The following SPTLC3 variants were observed in gnomAD, a reference collection of about 807,000 sequenced individuals.
SPTLC3 encodes serine palmitoyltransferase 3.
In SPTLC3, 36 loss-of-function variants were observed where a neutral mutation model predicts 59.3. The observed-to-expected ratio is 0.61, with a 90% CI of 0.47 to 0.80. The LOEUF (loss-of-function observed/expected upper bound fraction) is 0.80. Among genes scored for constraint, SPTLC3 ranks in the 30% least tolerant of loss-of-function variants. The pLI is 0.00. For synonymous variants in SPTLC3, 257 were observed against 240.8 expected (o/e 1.07, Z -0.62); for missense variants, 625 against 685.1 (o/e 0.91, Z 0.98).
chr20:13,106,097 A>G (rs1298383995), intron 6 of SPTLC3, among the ~76,000 whole-genome samples: 7 of 152,206 alleles, frequency 4.6e-5, no homozygotes, highest in African/African-American at 1.7e-4. Context: ...AAAAATATCT[A>G]TCTGCTCGTT....
intron 1 of SPTLC3, among the ~76,000 whole-genome samples, chr20:13,044,500 G>C (rs1242457422): frequency 6.6e-6 from 1 of 152,050 alleles, no homozygotes; most frequent in East Asian, 1.9e-4. Flanking sequence ...CTAGAGTCTG[G>C]ACAAATCCAG....
At chr20:13,088,481 C>T (rs1483872231) in intron 4 of SPTLC3, among the ~76,000 whole-genome samples, 2 of 151,954 alleles carry the variant, frequency 1.3e-5, no homozygotes, top group African/African-American at 4.8e-5. Flanking sequence ...ACTACAGGCG[C>T]CCGCCACCAC....
chr20:13,162,253 C>T (rs6041928), intron 11 of SPTLC3, among the ~76,000 whole-genome samples: 8,039 of 152,122 alleles, frequency 0.053, 243 homozygotes, highest in African/African-American at 0.079. Context: ...AGAGCATGGC[C>T]GGGAAGCAAG....
intron 2 of SPTLC3, among the ~76,000 whole-genome samples, chr20:13,057,140 A>G (rs529855500): frequency 6.6e-6 from 1 of 152,298 alleles, no homozygotes; most frequent in Non-Finnish European, 1.5e-5. Flanking sequence ...TCTCTTGCTC[A>G]AAACATGAAA....
intron 7 of SPTLC3, among the ~76,000 whole-genome samples, chr20:13,110,964 G>C (rs1990199460): frequency 1.3e-5 from 2 of 152,042 alleles, no homozygotes; most frequent in Non-Finnish European, 2.9e-5. Flanking sequence ...GATAGACATA[G>C]GATTTCTTTC....
chr20:13,153,535 C>G (rs1009257029), intron 9 of SPTLC3, among the ~76,000 whole-genome samples: 4 of 151,914 alleles, frequency 2.6e-5, no homozygotes, highest in Admixed American at 6.6e-5. Flanking sequence ...GATGAAGGAT[C>G]CTTTGATTAG....
chr20:13,093,698 G>T (rs1332373811), intron 6 of SPTLC3, 121 bp downstream of exon 6: 1 of 815,624 alleles, frequency 1.2e-6, no homozygotes, highest in Non-Finnish European at 1.9e-6. Context: ...ACACAATTAT[G>T]TTTATATTCA....
chr20:13,046,726 A>G (rs1196370347), intron 1 of SPTLC3, among the ~76,000 whole-genome samples: 1 of 152,190 alleles, frequency 6.6e-6, no homozygotes, highest in Non-Finnish European at 1.5e-5. Context: ...TCAGCCATCC[A>G]TCAGACCTAC....
chr20:13,087,947 T>C lies in SPTLC3; in HGVS notation c.608-3136T>C, dbSNP rs535348913. On this transcript the variant is annotated intron_variant, in intron 4 of 11. Coordinates refer to ENST00000399002, the MANE Select transcript of SPTLC3 (RefSeq NM_018327.4). The stretch of plus-strand genomic sequence containing the variant: ...AAATGGTTTTATGTGGAGGAAATAG[T>C]ACGTGCAACATCGGGAAAGCCTAAA... Among the ~76,000 whole-genome samples the C allele has an allele frequency of 1.3e-4, 20 of 152,356 alleles. 1 individual carries two copies. In the South Asian group the frequency reaches 3.3e-3, roughly 25 times the overall value.
chr20:13,095,420 A>G (rs1989376470), intron 6 of SPTLC3, among the ~76,000 whole-genome samples: 1 of 152,180 alleles, frequency 6.6e-6, no homozygotes, highest in African/African-American at 2.4e-5. Context: ...CATCTAGGGA[A>G]CATCCATAAA....
intron 9 of SPTLC3, among the ~76,000 whole-genome samples, chr20:13,135,640 C>T (rs113325795): frequency 2.0e-5 from 3 of 152,128 alleles, no homozygotes; most frequent in Non-Finnish European, 2.9e-5. Flanking sequence ...AAGATCTAAA[C>T]GTTTAAATAT....
chr20:13,015,983 C>T (rs1171397205), intron 1 of SPTLC3, among the ~76,000 whole-genome samples: 1 of 151,442 alleles, frequency 6.6e-6, no homozygotes. Context: ...AGAATAACAC[C>T]GTGAAATAAC....
chr20:13,162,666 G>T (rs561914537), intron 11 of SPTLC3, among the ~76,000 whole-genome samples: 3 of 152,292 alleles, frequency 2.0e-5, no homozygotes, highest in African/African-American at 7.2e-5. Flanking sequence ...ACTGACATGT[G>T]TGACAGTTGC....
At chr20:13,063,902 C>T (rs551793394) in intron 2 of SPTLC3, among the ~76,000 whole-genome samples, 2 of 152,136 alleles carry the variant, frequency 1.3e-5, no homozygotes, top group South Asian at 2.1e-4. Context: ...GTGATACGCC[C>T]GCCTCGGCCT....
At chr20:13,117,193 C>T (rs1990609194) in intron 7 of SPTLC3, among the ~76,000 whole-genome samples, 1 of 152,210 alleles carries the variant, frequency 6.6e-6, no homozygotes, top group African/African-American at 2.4e-5. Context: ...CCAGAATGGT[C>T]AGTCTAGTTA....
At chr20:13,145,038 G>A (rs888221478) in intron 9 of SPTLC3, among the ~76,000 whole-genome samples, 3 of 152,046 alleles carry the variant, frequency 2.0e-5, no homozygotes, top group African/African-American at 7.3e-5. Context: ...GCCTCCCAAA[G>A]TGCTGGGATT....
At chr20:13,102,607 C>G (rs915726647) in intron 6 of SPTLC3, among the ~76,000 whole-genome samples, 3 of 152,158 alleles carry the variant, frequency 2.0e-5, no homozygotes, top group Non-Finnish European at 4.4e-5. Context: ...TCCCGTACAC[C>G]TCTCCCAGGG....
chr20:13,101,588 C>A (rs557889134), intron 6 of SPTLC3, among the ~76,000 whole-genome samples: 6 of 152,330 alleles, frequency 3.9e-5, no homozygotes, highest in African/African-American at 1.2e-4. Flanking sequence ...CATTCTCCAG[C>A]CATTTCACGG....
chr20:13,042,782 A>C (rs557836772), intron 1 of SPTLC3, among the ~76,000 whole-genome samples: 1 of 152,206 alleles, frequency 6.6e-6, no homozygotes, highest in Admixed American at 6.5e-5. Flanking sequence ...ACAGACTCTC[A>C]GTGTTCTTTT....
Sources: gnomAD v4.1 joint callset for allele counts (sites outside exome capture counted in the v4.1 genomes callset) on GRCh38, gnomAD v4.1.1 for gene constraint, MANE v1.5 for transcripts, NCBI Gene and HGNC (gene_info 2026-07-23, HGNC 2026-07-21) for gene names.